Variants in TDRD3 observed in about 807,000 individuals in gnomAD.
TDRD3 encodes the protein tudor domain-containing protein 3.
A neutral mutation model predicts 86.7 loss-of-function variants in TDRD3; 45 were observed. The observed-to-expected ratio is 0.52, with a 90% CI of 0.41 to 0.67. The LOEUF (loss-of-function observed/expected upper bound fraction) is 0.67. Ranked by LOEUF, TDRD3 falls within the 30% of genes least tolerant of loss-of-function variation. The pLI, the probability that TDRD3 is intolerant of heterozygous loss-of-function variation, is 0.00. For missense variants in TDRD3, 814 were observed against 889.0 expected (o/e 0.92, Z 1.07); for synonymous variants, 298 against 301.7 (o/e 0.99, Z 0.13).
intron 3 of TDRD3, among the ~76,000 whole-genome samples, chr13:60,447,266 A>T (rs1272406520): frequency 6.6e-6 from 1 of 152,166 alleles, no homozygotes; most frequent in Non-Finnish European, 1.5e-5. Context: ...AGAGGCATTA[A>T]ATGATACGGA....
chr13:60,527,502 A>T (rs1276737972), intron 10 of TDRD3, among the ~76,000 whole-genome samples: 1 of 152,230 alleles, frequency 6.6e-6, no homozygotes, highest in Non-Finnish European at 1.5e-5. Flanking sequence ...CAAGACACAT[A>T]CACCAAAGAC....
intron 1 of TDRD3, among the ~76,000 whole-genome samples, chr13:60,435,946 GCC>G (rs1955085935): frequency 9.4e-6 from 1 of 106,782 alleles, no homozygotes; most frequent in Admixed American, 9.7e-5. Context: ...TTTAATTATG[GCC>G]TTTCTTAGAG....
intron 8 of TDRD3, among the ~76,000 whole-genome samples, chr13:60,508,926 A>G (rs1388593165): frequency 6.6e-6 from 1 of 152,198 alleles, no homozygotes. Flanking sequence ...AGAGAAATCC[A>G]TAGAAACCAC....
At chr13:60,531,492 T>C (rs1957581341) in intron 11 of TDRD3, among the ~76,000 whole-genome samples, 1 of 152,172 alleles carries the variant, frequency 6.6e-6, no homozygotes, top group Non-Finnish European at 1.5e-5. Flanking sequence ...GGAAAAGTGT[T>C]TTCTGTATTG....
intron 5 of TDRD3, among the ~76,000 whole-genome samples, chr13:60,478,109 G>A (rs1956227100): frequency 6.6e-6 from 1 of 152,006 alleles, no homozygotes; most frequent in Non-Finnish European, 1.5e-5. Context: ...AGTCTTTGGA[G>A]ATTGCTTCTA....
chr13:60,549,529 TTAAA>T (rs1345871848), intron 12 of TDRD3, among the ~76,000 whole-genome samples: 1 of 152,112 alleles, frequency 6.6e-6, no homozygotes, highest in Non-Finnish European at 1.5e-5. Flanking sequence ...TATTAATACA[TTAAA>T]TAGATTGAAA....
At chr13:60,413,531 T>C (rs978537197) in intron 1 of TDRD3, among the ~76,000 whole-genome samples, 2 of 152,226 alleles carry the variant, frequency 1.3e-5, no homozygotes, top group Non-Finnish European at 2.9e-5. Flanking sequence ...GGAGGATTAA[T>C]AAGTTAATAC....
At chr13:60,557,911 C>T (rs1176414547) in intron 12 of TDRD3, among the ~76,000 whole-genome samples, 1 of 149,298 alleles carries the variant, frequency 6.7e-6, no homozygotes, top group Non-Finnish European at 1.5e-5. Context: ...CAACCTCCAC[C>T]TCCCGGGTTC....
chr13:60,533,580 G>T (rs1957632268), intron 11 of TDRD3, among the ~76,000 whole-genome samples: 1 of 152,120 alleles, frequency 6.6e-6, no homozygotes, highest in Admixed American at 6.5e-5. Flanking sequence ...GGCGGAGGTT[G>T]CAGTGAGCTG....
chr13:60,465,977 G>C (rs561621531), intron 4 of TDRD3, among the ~76,000 whole-genome samples: 5 of 152,288 alleles, frequency 3.3e-5, no homozygotes, highest in Admixed American at 6.5e-5. Context: ...TCCTTTGCCA[G>C]AGGGTTAAGA....
At chr13:60,426,894 C>T (rs914063601) in intron 1 of TDRD3, among the ~76,000 whole-genome samples, 5 of 152,198 alleles carry the variant, frequency 3.3e-5, no homozygotes, top group African/African-American at 4.8e-5. Context: ...GCCGACTACG[C>T]GCATAGGCTA....
In TDRD3 at chr13:60,460,553, T is replaced by A; in HGVS notation, c.353+13T>A. ...TGTCAAAAATAAGGTGATTGGCACT[T>A]TATTTTGTGTATTTGTTACAGAATG... is the stretch of plus-strand genomic sequence containing the variant. On this transcript the variant is annotated intron_variant, in intron 4 of 13. Coordinates refer to ENST00000377881, the MANE Select transcript of TDRD3 (RefSeq NM_001146070.2). 3 of 1,527,384 alleles carry A rather than the reference T, an allele frequency of 2.0e-6. No homozygotes were observed. In the South Asian group the frequency reaches 3.9e-5, roughly 20 times the overall value. 94.6% of individuals were successfully genotyped at this position (1,527,384 alleles called of 1,614,324 possible).
At chr13:60,445,539 A>G (rs1324045986) in intron 3 of TDRD3, among the ~76,000 whole-genome samples, 1 of 152,144 alleles carries the variant, frequency 6.6e-6, no homozygotes, top group East Asian at 1.9e-4. Flanking sequence ...CTCAGACTTC[A>G]GTGTGCACCA....
intron 7 of TDRD3, among the ~76,000 whole-genome samples, chr13:60,493,606 T>C (rs761675759): frequency 7.2e-5 from 11 of 152,140 alleles, no homozygotes; most frequent in Non-Finnish European, 1.6e-4. Context: ...GAGGTTGTAG[T>C]GAGCTGAGAT....
At chr13:60,440,890 C>A (rs1479408670) in intron 2 of TDRD3, among the ~76,000 whole-genome samples, 1 of 152,004 alleles carries the variant, frequency 6.6e-6, no homozygotes, top group Non-Finnish European at 1.5e-5. Flanking sequence ...GCACAAGGAA[C>A]ATTTAAAACA....
At chr13:60,532,488 C>T (rs1352979958) in intron 11 of TDRD3, among the ~76,000 whole-genome samples, 1 of 152,168 alleles carries the variant, frequency 6.6e-6, no homozygotes, top group Non-Finnish European at 1.5e-5. Context: ...GAATGGACAA[C>T]TTTCCAGTGT....
chr13:60,483,294 T>C (rs972871957), intron 5 of TDRD3, among the ~76,000 whole-genome samples: 3 of 152,148 alleles, frequency 2.0e-5, no homozygotes, highest in Non-Finnish European at 4.4e-5. Flanking sequence ...TTTAGTATAA[T>C]TAAAAGAACC....
chr13:60,463,336 G>A (rs1328227109), intron 4 of TDRD3, among the ~76,000 whole-genome samples: 1 of 146,836 alleles, frequency 6.8e-6, no homozygotes, highest in African/African-American at 2.5e-5. Context: ...CGCTCCAGTC[G>A]GTGTGACAAG....
intron 2 of TDRD3, among the ~76,000 whole-genome samples, chr13:60,440,067 G>GT (rs1296151486): frequency 6.6e-6 from 1 of 151,982 alleles, no homozygotes; most frequent in African/African-American, 2.4e-5. Flanking sequence ...CGTAATAGTA[G>GT]TAAAAACTGA....
Sources: gnomAD v4.1 joint callset for allele counts (sites outside exome capture counted in the v4.1 genomes callset) on GRCh38, gnomAD v4.1.1 for gene constraint, MANE v1.5 for transcripts, NCBI Gene and HGNC (gene_info 2026-07-23, HGNC 2026-07-21) for gene names.